PTPRM: variants seen among roughly 807,000 people sequenced by gnomAD.
The protein encoded by PTPRM is protein tyrosine phosphatase receptor type M, also known as receptor-type tyrosine-protein phosphatase mu.
PTPRM carries 47 observed loss-of-function variants against 186.7 expected under a neutral mutation model. The observed-to-expected ratio is 0.25, with a 90% CI of 0.20 to 0.32. The LOEUF (loss-of-function observed/expected upper bound fraction) is 0.32. Ranked by LOEUF, PTPRM falls within the 10% of genes least tolerant of loss-of-function variation. The pLI is 1.00. For missense variants in PTPRM, 1,494 were observed against 1,865.0 expected (o/e 0.80, Z 3.66); for synonymous variants, 668 against 674.9 (o/e 0.99, Z 0.16).
chr18:8,206,570 A>G (rs1452399587), intron 14 of PTPRM, among the ~76,000 whole-genome samples: 1 of 152,114 alleles, frequency 6.6e-6, no homozygotes, highest in Admixed American at 6.5e-5. Flanking sequence ...ATAAGCAACA[A>G]ATGACTGATG....
rs79982147 is a variant in PTPRM, at chr18:7,852,794, T to G, written c.197-35312T>G. ...TTGCTTGAGCCCATAAGCCTGGGAG[T>G]TCGAGGCTGCACTGAACTATGATCA... On this transcript the variant is annotated intron_variant, in intron 2 of 32. Coordinates refer to ENST00000580170, the MANE Select transcript of PTPRM (RefSeq NM_001105244.2). Among the ~76,000 whole-genome samples the G allele has an allele frequency of 6.9e-3, 1,046 of 152,098 alleles. 7 individuals carry two copies. Among genetic ancestry groups the G allele is most frequent in the African/African-American group, 0.024 (997 of 41,472 alleles).
rs370746043 is a variant in PTPRM at position 7,842,947 on chromosome 18, T to TATATAGAGAG, written c.197-45158_197-45157insTATAGAGAGA. The stretch of plus-strand genomic sequence containing the variant: ...GTGTGTGTGTATATATATATATATA[T>TATATAGAGAG]AGAGAGAGAGAGAGAGAGAGAGAGA... On this transcript the variant is annotated intron_variant, in intron 2 of 32. Transcript: ENST00000580170. 2.8e-4 allele frequency among the ~76,000 whole-genome samples: 31 copies of TATATAGAGAG among 112,112 alleles called. 1 individual carries two copies. Among genetic ancestry groups the TATATAGAGAG allele is most frequent in the East Asian group, 1.6e-3 (5 of 3,214 alleles). 73.5% of individuals were successfully genotyped at this position (112,112 alleles called of 152,430 possible). A position where few individuals can be genotyped will look rare whatever the true frequency, so the allele number is the denominator to read the frequency against.
At chr18:8,076,697 G>T (rs777921781) in intron 9 of PTPRM, 133 bp downstream of exon 9, 8 of 505,642 alleles carry the variant, frequency 1.6e-5, no homozygotes, top group African/African-American at 6.1e-5. Context: ...TAGTTATAAT[G>T]GTTGTTATAT....
In PTPRM at chr18:8,014,615, T is replaced by C. The variant is rs929829885; in HGVS notation, c.1133-55071T>C. ...AAGTATATATTAGACTAAGGAATAGTGTACAAAATAGATCTAAATACAAAG... is the reference window on the plus strand; with the variant it reads ...AAGTATATATTAGACTAAGGAATAGCGTACAAAATAGATCTAAATACAAAG... On this transcript the variant is annotated intron_variant, in intron 7 of 32. Coordinates refer to ENST00000580170, the MANE Select transcript of PTPRM (RefSeq NM_001105244.2). 3.9e-5 allele frequency among the ~76,000 whole-genome samples: 6 copies of C among 152,206 alleles called. No homozygotes were observed. The South Asian group carries it at 8.3e-4, about 21-fold the overall frequency.
rs558318283 is a variant in PTPRM at position 7,946,037 on chromosome 18, A to G, written c.664-3144A>G. On this transcript the variant is annotated intron_variant, in intron 5 of 32. Transcript: ENST00000580170. Reference sequence around the variant, plus strand: ...ATTTATTAAAGGCTCATTCCTGAGCATTCATATGACTCACTAGAGTCACGC... The same window carrying G: ...ATTTATTAAAGGCTCATTCCTGAGCGTTCATATGACTCACTAGAGTCACGC... Among the ~76,000 whole-genome samples, 20 of 152,366 alleles carry G rather than the reference A, an allele frequency of 1.3e-4. No homozygotes were observed. In the East Asian group the frequency reaches 3.7e-3, roughly 28 times the overall value.
At chr18:8,071,602 A>G (rs946391370) in intron 8 of PTPRM, among the ~76,000 whole-genome samples, 4 of 152,120 alleles carry the variant, frequency 2.6e-5, no homozygotes, top group Admixed American at 2.6e-4. Flanking sequence ...TCTAGGAGTA[A>G]TAACTTCTCC....
At chr18:7,933,615 A>G (rs1418600192) in intron 5 of PTPRM, among the ~76,000 whole-genome samples, 4 of 152,232 alleles carry the variant, frequency 2.6e-5, no homozygotes, top group Non-Finnish European at 5.9e-5. Context: ...CTTGTCACAT[A>G]GCAAAATGCT....
intron 5 of PTPRM, among the ~76,000 whole-genome samples, chr18:7,928,184 C>A (rs1179636492): frequency 6.6e-6 from 1 of 152,126 alleles, no homozygotes; most frequent in Non-Finnish European, 1.5e-5. Context: ...GATGTTCCAC[C>A]CCTCTGCCCA....
At chr18:8,258,392 A>G (rs1212752828) in intron 19 of PTPRM, among the ~76,000 whole-genome samples, 1 of 152,118 alleles carries the variant, frequency 6.6e-6, no homozygotes, top group African/African-American at 2.4e-5. Context: ...GACATTTGCC[A>G]TGACTGCAGC....
intron 7 of PTPRM, among the ~76,000 whole-genome samples, chr18:7,980,704 G>C (rs986950905): frequency 1.3e-5 from 2 of 152,136 alleles, no homozygotes; most frequent in African/African-American, 4.8e-5. Context: ...TTTTATAAAT[G>C]CACATTCAGT....
chr18:7,616,909 G>A (rs1212708200), intron 1 of PTPRM, among the ~76,000 whole-genome samples: 4 of 152,126 alleles, frequency 2.6e-5, no homozygotes, highest in Non-Finnish European at 1.5e-5. Context: ...TGCTTCCTTA[G>A]TGCTTCCACA....
chr18:8,018,529 A>G (rs1228827480), intron 7 of PTPRM, among the ~76,000 whole-genome samples: 1 of 152,164 alleles, frequency 6.6e-6, no homozygotes, highest in Admixed American at 6.5e-5. Context: ...TATTATTTTT[A>G]AGAATTCTTT....
intron 1 of PTPRM, among the ~76,000 whole-genome samples, chr18:7,633,418 A>G (rs575761131): frequency 1.3e-5 from 2 of 152,172 alleles, no homozygotes; most frequent in South Asian, 4.2e-4. Flanking sequence ...AATATTTCAC[A>G]TCCTTTCTGG....
intron 2 of PTPRM, among the ~76,000 whole-genome samples, chr18:7,794,877 C>G (rs1204822141): frequency 1.3e-5 from 2 of 152,086 alleles, no homozygotes; most frequent in Admixed American, 1.3e-4. Flanking sequence ...ACCAACTGTT[C>G]CCTGGGGATA....
At chr18:7,803,011 G>T (rs1205143916) in intron 2 of PTPRM, among the ~76,000 whole-genome samples, 1 of 152,118 alleles carries the variant, frequency 6.6e-6, no homozygotes, top group African/African-American at 2.4e-5. Context: ...AACATGGGTG[G>T]TCATACAATG....
chr18:8,302,186 A>G (rs2095165701), intron 20 of PTPRM, among the ~76,000 whole-genome samples: 1 of 152,226 alleles, frequency 6.6e-6, no homozygotes, highest in Non-Finnish European at 1.5e-5. Flanking sequence ...AGAACTCACA[A>G]CGTGGGGACT....
At position 7,888,084 on chromosome 18, in the gene PTPRM, C is replaced by G. The variant is rs144100160; in HGVS notation, c.197-22C>G. 4.1e-3 allele frequency: 6,597 copies of G among 1,614,014 alleles called. 22 individuals carry two copies. Among genetic ancestry groups the G allele is most frequent in the Non-Finnish European group, 4.8e-3 (5,667 of 1,179,914 alleles). On this transcript the variant is annotated intron_variant, in intron 2 of 32. Coordinates refer to ENST00000580170, the MANE Select transcript of PTPRM (RefSeq NM_001105244.2). The stretch of plus-strand genomic sequence containing the variant: ...GAAAGTAGTGTTTCAGGGTATGACT[C>G]TCCTTGATTTTGTTTTTGCAGGTTC...
chr18:7,865,153 T>G (rs547627235), intron 2 of PTPRM, among the ~76,000 whole-genome samples: 249 of 152,294 alleles, frequency 1.6e-3, no homozygotes, highest in African/African-American at 5.6e-3. Context: ...ACAGAGACAA[T>G]TTGACTTCCT....
At chr18:7,782,159 GC>G (rs1170792074) in intron 2 of PTPRM, among the ~76,000 whole-genome samples, 9 of 152,308 alleles carry the variant, frequency 5.9e-5, no homozygotes, top group Admixed American at 2.0e-4. Context: ...CCTGTGGGGA[GC>G]ACTTAGTGAA....
Sources: allele counts gnomAD v4.1 joint callset (sites outside exome capture counted in the v4.1 genomes callset), GRCh38; gene constraint gnomAD v4.1.1; transcripts MANE v1.5; gene names NCBI Gene and HGNC (gene_info 2026-07-23, HGNC 2026-07-21).